GLIPR2: variants seen among roughly 807,000 people sequenced by gnomAD.
GLIPR2 encodes the protein GLI pathogenesis related 2, also known as Golgi-associated plant pathogenesis-related protein 1.
A neutral mutation model predicts 20.4 loss-of-function variants in GLIPR2; 21 were observed. The ratio of observed to expected loss-of-function variants is 1.03; its 90% CI spans 0.73 to 1.48. The LOEUF is 1.48. Ranked by LOEUF, GLIPR2 falls within the 40% of genes most tolerant of loss-of-function variation. GLIPR2 has a pLI of 0.00. For synonymous variants in GLIPR2, 91 were observed against 80.5 expected, an observed-to-expected ratio of 1.13 and a Z score of -0.70; for missense variants, 205 against 200.1, an observed-to-expected ratio of 1.02 and a Z score of -0.15.
chr9:36,153,730 G>A (rs1262942863), intron 4 of GLIPR2, among the ~76,000 whole-genome samples: 7 of 151,964 alleles, frequency 4.6e-5, no homozygotes, highest in African/African-American at 7.2e-5. Flanking sequence ...GTGAAACCCC[G>A]TCTCTACTAA....
intron 4 of GLIPR2, among the ~76,000 whole-genome samples, chr9:36,155,821 T>A (rs1825803840): frequency 6.6e-6 from 1 of 151,428 alleles, no homozygotes; most frequent in South Asian, 2.1e-4. Context: ...TTCCTGTAAC[T>A]CCAGTACTTT....
At chr9:36,157,713 C>CACACACACAT (rs377564402) in intron 4 of GLIPR2, among the ~76,000 whole-genome samples, 1 of 106,690 alleles carries the variant, frequency 9.4e-6, no homozygotes, top group Non-Finnish European at 2.1e-5. Context: ...CACACACACA[C>CACACACACAT]ATATATATAT....
chr9:36,159,570 C>A lies in GLIPR2; in HGVS notation c.305-2792C>A, dbSNP rs190549216. ...GCCTGGTGAAGGAGCCAAACAGTAA[C>A]CAAGTAATCAAGCAAATGCATCACA... On this transcript the variant is annotated intron_variant, in intron 4 of 4. Transcript: ENST00000377960. Among the ~76,000 whole-genome samples the A allele has an allele frequency of 4.1e-3, 627 of 152,202 alleles. 1 individual carries two copies. Among genetic ancestry groups the A allele is most frequent in the African/African-American group, 0.015 (608 of 41,540 alleles).
rs572060586 is a variant in GLIPR2, at chr9:36,140,833, C to G, written c.13+4042C>G. On this transcript the variant is annotated intron_variant, in intron 1 of 4. Transcript: ENST00000377960. ...GCGCATGCCCCCCACCATCCAAACA[C>G]CCCAGTTTCCTCATCTGTAATGAAG... Among the ~76,000 whole-genome samples, 178 of 152,292 alleles carry G rather than the reference C, an allele frequency of 1.2e-3. 2 individuals are homozygous for G. Among genetic ancestry groups the G allele is most frequent in the African/African-American group, 4.0e-3 (167 of 41,542 alleles).
intron 4 of GLIPR2, among the ~76,000 whole-genome samples, chr9:36,153,537 ACTC>A (rs1825696520): frequency 6.6e-6 from 1 of 151,756 alleles, no homozygotes; most frequent in South Asian, 2.1e-4. Context: ...CCTGTCTGCA[ACTC>A]CTCCTTGCTG....
intron 4 of GLIPR2, among the ~76,000 whole-genome samples, chr9:36,159,868 AG>A (rs1050147724): frequency 4.6e-5 from 7 of 151,696 alleles, no homozygotes; most frequent in Admixed American, 4.6e-4. Flanking sequence ...TGGAAGGCTG[AG>A]GCAGGAGAAT....
Position 36,136,776 on chromosome 9 carries a change from G to T in GLIPR2, c.-3G>T. ...GGGGAGCGAGGAGCGCGCGGAGCCG[G>T]CCATGGGCAAGTCAGGTGAGCCCGC... On this transcript the variant is annotated 5_prime_UTR_variant, in exon 1 of 5. Coordinates refer to ENST00000377960, the MANE Select transcript of GLIPR2 (RefSeq NM_022343.4). The surrounding 1 kb of genome is among the most constrained non-coding windows in gnomAD (Gnocchi z 4.3). 7.7e-7 allele frequency: 1 copy of T among 1,300,886 alleles called. No homozygotes were observed. Among genetic ancestry groups the T allele is most frequent in the Non-Finnish European group, 9.7e-7 (1 of 1,027,460 alleles). The allele number at this position is 1,300,886 out of a possible 1,614,324, so 80.6% of individuals were successfully genotyped here.
chr9:36,163,244 G>GCGAC lies in GLIPR2; in HGVS notation c.*723_*724insGACC. On this transcript the variant is annotated 3_prime_UTR_variant, in exon 5 of 5. Transcript: ENST00000377960. ...CCTTCCCTCTTTTCTTAAACTTCTG[G>GCGAC]CATTTCAGAGCTCAGCAGGCTACCC... The GCGAC allele has an allele frequency of 4.4e-6, 1 of 229,652 alleles. No individual in the cohort carries two copies. The highest frequency in any genetic ancestry group is 1.5e-4 in the East Asian group (1 of 6,688). 14.2% of individuals were successfully genotyped at this position (229,652 alleles called of 1,614,324 possible).
At chr9:36,157,183 A>ATT (rs550973713) in intron 4 of GLIPR2, among the ~76,000 whole-genome samples, 6 of 130,692 alleles carry the variant, frequency 4.6e-5, no homozygotes, top group South Asian at 2.4e-4. Flanking sequence ...TGCCCAGCTA[A>ATT]TTTTTTTTTT....
At chr9:36,147,961 C>T (rs2132737529) in intron 2 of GLIPR2, 67 bp downstream of exon 2, 1 of 820,034 alleles carries the variant, frequency 1.2e-6, no homozygotes, top group Non-Finnish European at 2.2e-6. Context: ...ACAAAGGGGC[C>T]CTGTGGCCAG....
chr9:36,150,970 A>T, intron 4 of GLIPR2, 21 bp downstream of exon 4: 1 of 1,584,312 alleles, frequency 6.3e-7, no homozygotes, highest in South Asian at 1.1e-5. Context: ...GGGTCTCACC[A>T]GTGGCCTGGC....
chr9:36,141,243 G>A (rs965927391), intron 1 of GLIPR2, among the ~76,000 whole-genome samples: 1 of 152,112 alleles, frequency 6.6e-6, no homozygotes, highest in Non-Finnish European at 1.5e-5. Context: ...TTGAAGCAAC[G>A]TGTCCAAGAT....
intron 4 of GLIPR2, among the ~76,000 whole-genome samples, chr9:36,152,459 G>A (rs1825627878): frequency 6.6e-6 from 1 of 152,138 alleles, no homozygotes; most frequent in Admixed American, 6.5e-5. Context: ...ATTAGAAAGT[G>A]CCTCCATGGG....
chr9:36,159,045 A>G (rs947897866), intron 4 of GLIPR2, among the ~76,000 whole-genome samples: 2 of 152,106 alleles, frequency 1.3e-5, no homozygotes, highest in Non-Finnish European at 2.9e-5. Context: ...AGCCTAGACA[A>G]CAGAGAGAGA....
At chr9:36,149,614 G>T (rs1389131811) in intron 3 of GLIPR2, among the ~76,000 whole-genome samples, 7 of 152,190 alleles carry the variant, frequency 4.6e-5, no homozygotes, top group Non-Finnish European at 7.4e-5. Context: ...GGAGCCTTGA[G>T]CAGGTCCCTC....
chr9:36,159,064 CA>C (rs553862025), intron 4 of GLIPR2, among the ~76,000 whole-genome samples: 4 of 146,432 alleles, frequency 2.7e-5, no homozygotes, highest in East Asian at 2.0e-4. Context: ...GACTCTGTCT[CA>C]AAAAAAAAAG....
chr9:36,153,122 CAAAAAAA>C, intron 4 of GLIPR2, among the ~76,000 whole-genome samples: 1 of 88,432 alleles, frequency 1.1e-5, no homozygotes, highest in East Asian at 3.7e-4. Flanking sequence ...GACTCTGTCT[CAAAAAAA>C]AAAAAAAAAA....
intron 4 of GLIPR2, among the ~76,000 whole-genome samples, chr9:36,156,207 C>T (rs12336126): frequency 6.6e-6 from 1 of 151,722 alleles, no homozygotes; most frequent in Non-Finnish European, 1.5e-5. Context: ...AAGACTCCAT[C>T]TCAAAAAATT....
intron 4 of GLIPR2, among the ~76,000 whole-genome samples, chr9:36,161,503 GAA>G (rs61215109): frequency 9.0e-4 from 131 of 146,002 alleles, no homozygotes; most frequent in African/African-American, 9.9e-4. Flanking sequence ...GAGCTTAGAG[GAA>G]AAAAAAAAAA....
Sources: gnomAD v4.1 joint callset for allele counts (sites outside exome capture counted in the v4.1 genomes callset) on GRCh38, gnomAD v4.1.1 for gene constraint, Gnocchi (gnomAD v3.1) non-coding constraint, MANE v1.5 for transcripts, NCBI Gene and HGNC (gene_info 2026-07-23, HGNC 2026-07-21) for gene names.